Variants in FSHR observed in about 807,000 individuals in gnomAD.
FSHR encodes the protein follicle stimulating hormone receptor.
FSHR carries 46 observed loss-of-function variants against 52.1 expected under a neutral mutation model. That is an observed-to-expected ratio of 0.88 (90% CI 0.70 to 1.13). The LOEUF (loss-of-function observed/expected upper bound fraction) is 1.13, where lower values mean the gene tolerates loss of function less well. FSHR is among the 50% of genes most tolerant of loss of function. The pLI, the probability that FSHR is intolerant of heterozygous loss-of-function variation, is 0.00. For missense variants in FSHR, 964 were observed against 834.6 expected, an observed-to-expected ratio of 1.16 and a Z score of -1.91; for synonymous variants, 399 against 309.6, an observed-to-expected ratio of 1.29 and a Z score of -3.03.
intron 1 of FSHR, among the ~76,000 whole-genome samples, chr2:49,151,582 A>T (rs1196206557): frequency 6.6e-6 from 1 of 152,260 alleles, no homozygotes; most frequent in East Asian, 1.9e-4. Context: ...ATAAAAATGT[A>T]CATAGTAAAA....
chr2:48,968,540 C>G (rs1286305844), intron 9 of FSHR, among the ~76,000 whole-genome samples, 158 bp downstream of exon 9: 3 of 152,228 alleles, frequency 2.0e-5, no homozygotes, highest in East Asian at 3.8e-4. Context: ...CTATTCCTCA[C>G]TCTCCATGAA....
intron 2 of FSHR, among the ~76,000 whole-genome samples, chr2:49,054,653 G>A (rs570086441): frequency 6.6e-6 from 1 of 152,290 alleles, no homozygotes; most frequent in African/African-American, 2.4e-5. Context: ...CCAACGCACT[G>A]TGTGCACACA....
intron 1 of FSHR, among the ~76,000 whole-genome samples, chr2:49,073,421 T>C (rs1320474941): frequency 6.6e-6 from 1 of 151,960 alleles, no homozygotes; most frequent in East Asian, 1.9e-4. Context: ...ACATGCTGGC[T>C]GAAAGAGAAT....
intron 2 of FSHR, among the ~76,000 whole-genome samples, chr2:49,027,621 G>T (rs995225023): frequency 6.6e-6 from 1 of 152,144 alleles, no homozygotes; most frequent in African/African-American, 2.4e-5. Flanking sequence ...AGGCCGAGGT[G>T]GGCCGATCAC....
intron 2 of FSHR, among the ~76,000 whole-genome samples, chr2:49,021,863 C>CTCTCTATATATA (rs1467766420): frequency 2.0e-5 from 1 of 49,868 alleles, no homozygotes; most frequent in African/African-American, 8.2e-5. Flanking sequence ...CTCTCTCTCT[C>CTCTCTATATATA]TATATATATA....
At chr2:49,109,672 C>T (rs556641232) in intron 1 of FSHR, among the ~76,000 whole-genome samples, 2 of 152,256 alleles carry the variant, frequency 1.3e-5, no homozygotes, top group South Asian at 4.1e-4. Flanking sequence ...TGGAACTTTT[C>T]CTGCATCTAC....
chr2:49,011,694 G>A (rs758171306), intron 4 of FSHR, among the ~76,000 whole-genome samples: 6 of 152,018 alleles, frequency 3.9e-5, no homozygotes, highest in Admixed American at 2.6e-4. Flanking sequence ...GCAAAGTTAA[G>A]CCGATTATAC....
intron 1 of FSHR, among the ~76,000 whole-genome samples, chr2:49,079,816 T>A (rs543083391): frequency 1.2e-3 from 184 of 152,114 alleles, no homozygotes; most frequent in Non-Finnish European, 1.8e-3. Context: ...AAGACTTTTT[T>A]AAAAAAACAC....
intron 1 of FSHR, among the ~76,000 whole-genome samples, chr2:49,144,355 T>C (rs1672794288): frequency 6.6e-6 from 1 of 152,328 alleles, no homozygotes; most frequent in South Asian, 2.1e-4. Context: ...AGAGCCACTT[T>C]GTAATTTTCC....
chr2:49,017,205 A>G (rs1272624279), intron 4 of FSHR, among the ~76,000 whole-genome samples: 1 of 152,216 alleles, frequency 6.6e-6, no homozygotes, highest in Non-Finnish European at 1.5e-5. Context: ...CATTAACACT[A>G]AATTATGACT....
In FSHR at chr2:48,963,500, C is replaced by G; in HGVS notation, c.1321G>C (p.Gly441Arg). ...NYAIDWQTGA[G>R]CDAAGFFTVF... ...GTGAAAAAGCCAGCAGCATCACAGC[C>G]TGCCCCAGTTTGCCAGTCAATGGCA... The change falls in exon 10 of 10, where the codon GGC becomes CGC. Residue 441 changes from glycine (G) to arginine (R), a missense_variant. Gly to Arg is a moderately radical substitution (Grantham distance 125). Coordinates refer to ENST00000406846, the MANE Select transcript of FSHR (RefSeq NM_000145.4). 1 of 1,614,194 alleles carries G rather than the reference C, an allele frequency of 6.2e-7. No homozygotes were observed. Among genetic ancestry groups the G allele is most frequent in the Non-Finnish European group, 8.5e-7 (1 of 1,180,012 alleles).
intron 4 of FSHR, chr2:48,997,365 G>A (rs916118895): frequency 9.1e-6 from 9 of 984,978 alleles, no homozygotes; most frequent in Admixed American, 1.2e-4. Context: ...GTAATCAGGG[G>A]AAATTTAAGG....
chr2:48,974,487 T>A (rs907185087), intron 8 of FSHR, among the ~76,000 whole-genome samples: 8 of 152,214 alleles, frequency 5.3e-5, no homozygotes, highest in Non-Finnish European at 1.0e-4. Flanking sequence ...GCCCTGGGAT[T>A]GAGATCTTTC....
chr2:49,135,113 G>T (rs1456508788), intron 1 of FSHR, among the ~76,000 whole-genome samples: 1 of 151,956 alleles, frequency 6.6e-6, no homozygotes, highest in African/African-American at 2.4e-5. Flanking sequence ...AAATCAACTA[G>T]ACCTAACAGA....
At chr2:49,087,179 A>G (rs1463284638) in intron 1 of FSHR, among the ~76,000 whole-genome samples, 3 of 150,328 alleles carry the variant, frequency 2.0e-5, no homozygotes, top group African/African-American at 7.4e-5. Flanking sequence ...TAAACAGGAT[A>G]TATACACTTT....
intron 1 of FSHR, among the ~76,000 whole-genome samples, chr2:49,104,240 G>T (rs999864683): frequency 4.6e-5 from 7 of 152,128 alleles, no homozygotes; most frequent in Non-Finnish European, 1.0e-4. Flanking sequence ...CCTCTCAGCA[G>T]TCTGATTAGA....
chr2:49,009,179 A>C (rs1667179742), intron 4 of FSHR, among the ~76,000 whole-genome samples: 4 of 151,432 alleles, frequency 2.6e-5, no homozygotes, highest in African/African-American at 7.3e-5. Context: ...TTAAGTCTTT[A>C]ATCCATCTTG....
intron 4 of FSHR, among the ~76,000 whole-genome samples, chr2:48,993,014 T>C (rs1445385337): frequency 6.6e-6 from 1 of 152,186 alleles, no homozygotes; most frequent in Non-Finnish European, 1.5e-5. Context: ...CTCTTTTCTA[T>C]TGGTTTCTGT....
intron 1 of FSHR, among the ~76,000 whole-genome samples, chr2:49,106,725 G>A (rs1359766473): frequency 2.0e-5 from 3 of 152,130 alleles, no homozygotes; most frequent in Non-Finnish European, 2.9e-5. Context: ...AATAAATTCA[G>A]TGTGGTTAAG....
Sources: allele counts gnomAD v4.1 joint callset (sites outside exome capture counted in the v4.1 genomes callset), GRCh38; gene constraint gnomAD v4.1.1; transcripts MANE v1.5; gene names NCBI Gene and HGNC (gene_info 2026-07-23, HGNC 2026-07-21).